The following COL27A1 variants were observed in gnomAD, a reference collection of about 807,000 sequenced individuals.
COL27A1 encodes collagen alpha-1(XXVII) chain.
In COL27A1, 106 loss-of-function variants were observed where a neutral mutation model predicts 251.3. The ratio of observed to expected loss-of-function variants is 0.42; its 90% CI spans 0.36 to 0.50. COL27A1 has a LOEUF of 0.50. Ranked by LOEUF, COL27A1 falls within the 20% of genes least tolerant of loss-of-function variation. The probability of loss-of-function intolerance (pLI) is 0.00; values close to 1 mark genes in which losing one functional copy is unlikely to be tolerated. For synonymous variants in COL27A1, 1,000 were observed against 986.3 expected (o/e 1.01, Z -0.26); for missense variants, 2,325 against 2,522.8 (o/e 0.92, Z 1.68).
intron 14 of COL27A1, among the ~76,000 whole-genome samples, chr9:114,223,700 C>T (rs188408155): frequency 2.0e-5 from 3 of 152,316 alleles, no homozygotes; most frequent in Admixed American, 2.0e-4. Context: ...CAAATCCTAG[C>T]TCTACCACTC....
At chr9:114,187,280 G>T (rs937878971) in intron 5 of COL27A1, among the ~76,000 whole-genome samples, 9 of 152,252 alleles carry the variant, frequency 5.9e-5, no homozygotes, top group Non-Finnish European at 1.2e-4. Context: ...GTGCTCATTT[G>T]TCTCAGCCCC....
intron 24 of COL27A1, among the ~76,000 whole-genome samples, chr9:114,247,788 G>C (rs1022435496): frequency 6.6e-6 from 1 of 152,226 alleles, no homozygotes; most frequent in African/African-American, 2.4e-5. Context: ...GGCATTTTCT[G>C]TTCACTGCAG....
intron 32 of COL27A1, among the ~76,000 whole-genome samples, chr9:114,266,222 G>T (rs1343723099): frequency 6.6e-6 from 1 of 152,136 alleles, no homozygotes; most frequent in Non-Finnish European, 1.5e-5. Flanking sequence ...TGGGTTGGCT[G>T]GGGGTGGGGG....
chr9:114,234,661 T>G (rs977514022), intron 16 of COL27A1, among the ~76,000 whole-genome samples: 1 of 152,144 alleles, frequency 6.6e-6, no homozygotes, highest in Non-Finnish European at 1.5e-5. Flanking sequence ...GCCTGTGCAG[T>G]ACATCGTGTT....
intron 14 of COL27A1, among the ~76,000 whole-genome samples, chr9:114,229,335 T>A (rs1303556532): frequency 6.6e-6 from 1 of 152,200 alleles, no homozygotes. Flanking sequence ...GCAAACTCCA[T>A]GCCGTCTGTC....
chr9:114,261,312 T>C (rs1355598078), intron 28 of COL27A1, among the ~76,000 whole-genome samples: 1 of 120,534 alleles, frequency 8.3e-6, no homozygotes, highest in African/African-American at 2.9e-5. Flanking sequence ...GAGGAGCGGA[T>C]ACAAGAGAGC....
Position 114,264,909 on chromosome 9 carries a change from C to T in COL27A1, c.3250-15C>T, listed in dbSNP as rs757208722. On this transcript the variant is annotated splice_polypyrimidine_tract_variant and intron_variant, in intron 29 of 60. Transcript: ENST00000356083. ...AAGCACCCTCTCCCACCTTCACGTG[C>T]TCTGCTTCCCACAGGGCCCTCCAGG... 3.1e-6 allele frequency: 5 copies of T among 1,609,618 alleles called. No homozygotes were observed. The South Asian group carries it at 3.3e-5, about 11-fold the overall frequency.
intron 1 of COL27A1, among the ~76,000 whole-genome samples, chr9:114,158,434 A>G (rs1471094793): frequency 1.3e-5 from 2 of 152,204 alleles, no homozygotes; most frequent in Non-Finnish European, 2.9e-5. Flanking sequence ...AAGGGCATAG[A>G]AACACCTGGG....
In COL27A1 at chr9:114,252,731, C is replaced by A. The variant is rs555248565; in HGVS notation, c.3087+85C>A. 2.4e-5 allele frequency: 35 copies of A among 1,429,198 alleles called. No individual in the cohort carries two copies. The African/African-American group carries it at 3.9e-4, about 16-fold the overall frequency. The allele number at this position is 1,429,198 out of a possible 1,614,324, so 88.5% of individuals were successfully genotyped here. On this transcript the variant is annotated intron_variant, in intron 26 of 60. Transcript: ENST00000356083. Reference sequence around the variant, plus strand: ...GCTCTCCTCCATGAACCGCTTACCCCAGACGTTCAGAATGACCAGCTCCCT... The same window carrying A: ...GCTCTCCTCCATGAACCGCTTACCCAAGACGTTCAGAATGACCAGCTCCCT...
In COL27A1 at chr9:114,211,011, C is replaced by A. The variant is rs1830318585; in HGVS notation, c.2352C>A (p.Gly784=). Residue 784 remains glycine, a synonymous_variant, in exon 12 of 61, where the codon GGC becomes GGA. Transcript: ENST00000356083. ...TGCCTGGCGTTCCTGGCAAGAGGGGCAAGATGGGTATGCCGGTAAAGATTT... is the reference window on the plus strand; with the variant it reads ...TGCCTGGCGTTCCTGGCAAGAGGGGAAAGATGGGTATGCCGGTAAAGATTT... ...RGLPGVPGKR[G]KMGMPGFPGV... is the part of the protein sequence containing the mutation. 1 of 1,614,096 alleles carries A rather than the reference C, an allele frequency of 6.2e-7. No individual in the cohort carries two copies. Among genetic ancestry groups the A allele is most frequent in the Admixed American group, 1.7e-5 (1 of 60,012 alleles).
rs112047520 is a variant in COL27A1, at chr9:114,166,444, T to TATCCATCCATCCATCC, written c.134-1221_134-1206dup. ...CCATTCATCCATCCATCCATTCATC[T>TATCCATCCATCCATCC]ATCCATCCATCCATCCATCCATCCA... is the stretch of plus-strand genomic sequence containing the variant. On this transcript the variant is annotated intron_variant, in intron 2 of 60. Transcript: ENST00000356083. 1.6e-3 allele frequency among the ~76,000 whole-genome samples: 226 copies of TATCCATCCATCCATCC among 140,952 alleles called. 4 individuals carry two copies. Among genetic ancestry groups the TATCCATCCATCCATCC allele is most frequent in the East Asian group, 5.9e-3 (27 of 4,548 alleles). 92.5% of individuals were successfully genotyped at this position (140,952 alleles called of 152,430 possible).
chr9:114,166,989 G>A (rs555486401), intron 2 of COL27A1, among the ~76,000 whole-genome samples: 4 of 152,074 alleles, frequency 2.6e-5, no homozygotes, highest in South Asian at 2.1e-4. Flanking sequence ...TGGCAGCCCC[G>A]TAGCCTGCTA....
chr9:114,301,557 GTCA>G (rs1176075760), intron 54 of COL27A1, 95 bp downstream of exon 54: 6 of 1,541,284 alleles, frequency 3.9e-6, no homozygotes, highest in Non-Finnish European at 5.3e-6. Flanking sequence ...CCGGACCTCC[GTCA>G]TCCCGTCTGT....
At chr9:114,187,513 C>G (rs990663335) in intron 5 of COL27A1, among the ~76,000 whole-genome samples, 3 of 152,234 alleles carry the variant, frequency 2.0e-5, no homozygotes, top group Non-Finnish European at 2.9e-5. Flanking sequence ...AATAACTTGC[C>G]CAGTGTCACA....
chr9:114,296,389 G>A (rs1408975003), intron 49 of COL27A1, among the ~76,000 whole-genome samples: 3 of 152,138 alleles, frequency 2.0e-5, no homozygotes, highest in African/African-American at 4.8e-5. Flanking sequence ...TTTTAAATGG[G>A]CAGAAGATTT....
chr9:114,269,016 T>G, intron 34 of COL27A1: 1 of 514,506 alleles, frequency 1.9e-6, no homozygotes, highest in Non-Finnish European at 3.5e-6. Context: ...TTGGTGCTAA[T>G]TGTCCTCCTG....
chr9:114,248,642 C>T (rs1833311842), intron 24 of COL27A1, among the ~76,000 whole-genome samples: 4 of 152,198 alleles, frequency 2.6e-5, no homozygotes, highest in African/African-American at 4.8e-5. Flanking sequence ...GCCTCAAGAA[C>T]AGGCCTGCCA....
intron 34 of COL27A1, among the ~76,000 whole-genome samples, chr9:114,268,430 C>A (rs1834893252): frequency 6.6e-6 from 1 of 152,212 alleles, no homozygotes; most frequent in African/African-American, 2.4e-5. Flanking sequence ...GAGAAAGACC[C>A]TTTTAGGGCC....
chr9:114,273,670 T>C (rs1351340975), intron 36 of COL27A1: 2 of 152,282 alleles, frequency 1.3e-5, no homozygotes, highest in Non-Finnish European at 2.9e-5. Context: ...ACCTTGGCAC[T>C]GGGGGACAGA....
Sources: gnomAD v4.1 joint callset for allele counts (sites outside exome capture counted in the v4.1 genomes callset) on GRCh38, gnomAD v4.1.1 for gene constraint, MANE v1.5 for transcripts, NCBI Gene and HGNC (gene_info 2026-07-23, HGNC 2026-07-21) for gene names.